OSBPL11: variants seen among roughly 807,000 people sequenced by gnomAD.
OSBPL11 encodes the protein oxysterol-binding protein-related protein 11.
OSBPL11 carries 33 observed loss-of-function variants against 84.4 expected under a neutral mutation model. The observed-to-expected ratio is 0.39, with a 90% CI of 0.30 to 0.52. The LOEUF (loss-of-function observed/expected upper bound fraction) is 0.52. Ranked by LOEUF, OSBPL11 falls within the 20% of genes least tolerant of loss-of-function variation. OSBPL11 has a pLI of 0.72. For synonymous variants in OSBPL11, 276 were observed against 310.2 expected, an observed-to-expected ratio of 0.89 and a Z score of 1.16; for missense variants, 736 against 901.1, an observed-to-expected ratio of 0.82 and a Z score of 2.35.
chr3:125,536,850 T>C (rs1174547428), intron 11 of OSBPL11, among the ~76,000 whole-genome samples: 1 of 152,128 alleles, frequency 6.6e-6, no homozygotes, highest in Non-Finnish European at 1.5e-5. Flanking sequence ...CAATTTGTCA[T>C]ACAGAATACT....
At chr3:125,578,220 C>T (rs1046204036) in intron 4 of OSBPL11, among the ~76,000 whole-genome samples, 4 of 152,118 alleles carry the variant, frequency 2.6e-5, no homozygotes, top group Admixed American at 2.6e-4. Flanking sequence ...AGTACTGATA[C>T]ATGCAACAAC....
chr3:125,546,723 T>G (rs1935823725), intron 10 of OSBPL11, among the ~76,000 whole-genome samples: 1 of 151,858 alleles, frequency 6.6e-6, no homozygotes, highest in African/African-American at 2.4e-5. Context: ...AAAGCCCATC[T>G]CAACTAAAAA....
At position 125,594,974 on chromosome 3, in the gene OSBPL11, G is replaced by A. The variant is rs1233940695; in HGVS notation, c.-174C>T. 1.5e-6 allele frequency: 1 copy of A among 647,704 alleles called. No individual in the cohort carries two copies. The highest frequency in any genetic ancestry group is 2.6e-6 in the Non-Finnish European group (1 of 388,834). 40.1% of individuals were successfully genotyped at this position (647,704 alleles called of 1,614,324 possible). A position where few individuals can be genotyped will look rare whatever the true frequency, so the allele number is the denominator to read the frequency against. On this transcript the variant is annotated 5_prime_UTR_variant, in exon 1 of 13. Coordinates refer to ENST00000296220, the MANE Select transcript of OSBPL11 (RefSeq NM_022776.5). ...GAAAAGGAAGATACACATTCCCACAGAAGTTAAACTTTTGAGAGGGCAGGG... is the reference window on the plus strand; with the variant it reads ...GAAAAGGAAGATACACATTCCCACAAAAGTTAAACTTTTGAGAGGGCAGGG...
rs1323623909 is a variant in OSBPL11 at position 125,529,689 on chromosome 3, GT to G, written c.*825del. On this transcript the variant is annotated 3_prime_UTR_variant, in exon 13 of 13. Coordinates refer to ENST00000296220, the MANE Select transcript of OSBPL11 (RefSeq NM_022776.5). ...ATTTGCTATTTTCTTTAATGCCTTAGTTCTGGAGAAAGGCTAAAATCTCATC... is the reference window on the plus strand; with the variant it reads ...ATTTGCTATTTTCTTTAATGCCTTAGTCTGGAGAAAGGCTAAAATCTCATC... 1 of 152,552 alleles carries G rather than the reference GT, an allele frequency of 6.6e-6. No homozygotes were observed. The highest frequency in any genetic ancestry group is 1.5e-5 in the Non-Finnish European group (1 of 68,014). The allele number at this position is 152,552 out of a possible 1,614,324, so 9.4% of individuals were successfully genotyped here. A position where few individuals can be genotyped will look rare whatever the true frequency, so the allele number is the denominator to read the frequency against.
chr3:125,593,007 T>C (rs1936621602), intron 1 of OSBPL11, among the ~76,000 whole-genome samples: 1 of 152,172 alleles, frequency 6.6e-6, no homozygotes, highest in Non-Finnish European at 1.5e-5. Flanking sequence ...CTCATTAGAC[T>C]TCATGAAAAT....
In OSBPL11 at chr3:125,529,180, A is replaced by G. The variant is rs1405778035; in HGVS notation, c.*1335T>C. ...TGTTACACACACTGATTGGAAGACCATATCAGAAAAAACAGAGTAAGGCAC... is the reference window on the plus strand; with the variant it reads ...TGTTACACACACTGATTGGAAGACCGTATCAGAAAAAACAGAGTAAGGCAC... On this transcript the variant is annotated 3_prime_UTR_variant, in exon 13 of 13. Coordinates refer to ENST00000296220, the MANE Select transcript of OSBPL11 (RefSeq NM_022776.5). 6.6e-6 allele frequency: 1 copy of G among 152,618 alleles called. No homozygotes were observed. Among genetic ancestry groups the G allele is most frequent in the Non-Finnish European group, 1.5e-5 (1 of 68,030 alleles). The allele number at this position is 152,618 out of a possible 1,614,324, so 9.5% of individuals were successfully genotyped here.
intron 1 of OSBPL11, among the ~76,000 whole-genome samples, chr3:125,589,165 A>G (rs528245423): frequency 1.3e-5 from 2 of 152,202 alleles, no homozygotes; most frequent in East Asian, 3.9e-4. Flanking sequence ...CCTGGCCAAC[A>G]TGGTGGAACC....
At chr3:125,589,857 A>G (rs769521632) in intron 1 of OSBPL11, among the ~76,000 whole-genome samples, 2 of 152,226 alleles carry the variant, frequency 1.3e-5, no homozygotes, top group Non-Finnish European at 2.9e-5. Context: ...CATTTACTGA[A>G]AAGTATAGCT....
intron 9 of OSBPL11, among the ~76,000 whole-genome samples, chr3:125,549,032 T>G (rs773657493): frequency 6.6e-6 from 1 of 152,132 alleles, no homozygotes; most frequent in East Asian, 1.9e-4. Context: ...TAAGTCTTTT[T>G]TTTTTTGAAA....
chr3:125,567,719 A>G, intron 5 of OSBPL11, 124 bp from the exon 6 acceptor site: 1 of 747,028 alleles, frequency 1.3e-6, no homozygotes, highest in Non-Finnish European at 2.2e-6. Flanking sequence ...TAGGCTAGGC[A>G]TGGTGGCTCA....
At chr3:125,574,247 C>G in intron 5 of OSBPL11, among the ~76,000 whole-genome samples, 1 of 149,972 alleles carries the variant, frequency 6.7e-6, no homozygotes. Flanking sequence ...TCACTGTATT[C>G]TTTACCTGCC....
At position 125,579,872 on chromosome 3, in the gene OSBPL11, T is replaced by A. The variant is rs1389846579; in HGVS notation, c.402A>T (p.Lys134Asn). 1 of 1,613,936 alleles carries A rather than the reference T, an allele frequency of 6.2e-7. No individual in the cohort carries two copies. The highest frequency in any genetic ancestry group is 8.5e-7 in the Non-Finnish European group (1 of 1,179,934). ...TVNAASGEQYKLRATDAKERQ... is the reference protein window; with the variant it reads ...TVNAASGEQYNLRATDAKERQ... Reference sequence around the variant, plus strand: ...CTCATATTTTGGTCATACCTCTGAGTTTATATTGTTCCCCACTGGCAGCGT... The same window carrying A: ...CTCATATTTTGGTCATACCTCTGAGATTATATTGTTCCCCACTGGCAGCGT... Residue 134 changes from lysine to asparagine, a missense_variant, in exon 3 of 13, where the codon AAA becomes AAT. By Grantham distance (94) the Lys-to-Asn change is moderately conservative. Coordinates refer to ENST00000296220, the MANE Select transcript of OSBPL11 (RefSeq NM_022776.5).
chr3:125,568,417 TGAGAC>T (rs1936193957), intron 5 of OSBPL11, among the ~76,000 whole-genome samples: 1 of 140,976 alleles, frequency 7.1e-6, no homozygotes, highest in Admixed American at 7.5e-5. Context: ...GGCGATAGAG[TGAGAC>T]TACGTCTCAA....
At chr3:125,581,245 C>T (rs979057886) in intron 2 of OSBPL11, among the ~76,000 whole-genome samples, 1 of 152,124 alleles carries the variant, frequency 6.6e-6, no homozygotes, top group East Asian at 2.0e-4. Context: ...GCGCCCACCA[C>T]CATGCCCAGC....
chr3:125,591,655 G>A (rs922680128), intron 1 of OSBPL11, among the ~76,000 whole-genome samples: 3 of 152,154 alleles, frequency 2.0e-5, no homozygotes, highest in Non-Finnish European at 4.4e-5. Flanking sequence ...ACCCAGCTAA[G>A]CTGCACTGAG....
At chr3:125,538,164 AT>A (rs1334768284) in intron 11 of OSBPL11, among the ~76,000 whole-genome samples, 6 of 152,160 alleles carry the variant, frequency 3.9e-5, no homozygotes, top group African/African-American at 1.2e-4. Flanking sequence ...ATATAACAAA[AT>A]TTTTTATGAT....
intron 5 of OSBPL11, among the ~76,000 whole-genome samples, chr3:125,575,214 T>C (rs187445282): frequency 8.5e-4 from 129 of 152,242 alleles, no homozygotes; most frequent in African/African-American, 2.9e-3. Flanking sequence ...GAACTTAATA[T>C]TTAGAACTTA....
intron 1 of OSBPL11, among the ~76,000 whole-genome samples, chr3:125,587,122 A>T (rs1051113410): frequency 1.3e-5 from 2 of 152,208 alleles, no homozygotes. Flanking sequence ...GCTGCCATAC[A>T]AATAAAAAAG....
intron 1 of OSBPL11, among the ~76,000 whole-genome samples, chr3:125,589,087 G>A (rs926715258): frequency 2.0e-5 from 3 of 152,056 alleles, no homozygotes; most frequent in African/African-American, 7.2e-5. Flanking sequence ...GGTGGCTCAC[G>A]CCTGTAATCC....
Sources: gnomAD v4.1 joint callset for allele counts (sites outside exome capture counted in the v4.1 genomes callset) on GRCh38, gnomAD v4.1.1 for gene constraint, MANE v1.5 for transcripts, NCBI Gene and HGNC (gene_info 2026-07-23, HGNC 2026-07-21) for gene names.